NFIB: variants seen among roughly 807,000 people sequenced by gnomAD.
NFIB encodes nuclear factor 1 B-type.
In NFIB, 11 loss-of-function variants were observed where a neutral mutation model predicts 61.5. The ratio of observed to expected loss-of-function variants is 0.18; its 90% CI spans 0.11 to 0.30. The LOEUF (loss-of-function observed/expected upper bound fraction) is 0.30, where lower values mean the gene tolerates loss of function less well. Among genes scored for constraint, NFIB ranks in the 10% least tolerant of loss-of-function variants. The pLI, the probability that NFIB is intolerant of heterozygous loss-of-function variation, is 1.00. For missense variants in NFIB, 471 were observed against 608.9 expected, an observed-to-expected ratio of 0.77 and a Z score of 2.38; for synonymous variants, 260 against 216.5, an observed-to-expected ratio of 1.20 and a Z score of -1.76.
At chr9:14,170,148 G>C (rs2045405829) in intron 3 of NFIB, among the ~76,000 whole-genome samples, 1 of 152,114 alleles carries the variant, frequency 6.6e-6, no homozygotes, top group Admixed American at 6.5e-5. Flanking sequence ...CTTAACTTCT[G>C]CAAAGTTCAG....
At chr9:14,180,995 T>G (rs2046705041) in intron 2 of NFIB, among the ~76,000 whole-genome samples, 1 of 152,216 alleles carries the variant, frequency 6.6e-6, no homozygotes, top group African/African-American at 2.4e-5. Context: ...CCATTATACT[T>G]GAGCCAAGAA....
At chr9:14,435,209 A>C in the NFIB span, among the ~76,000 whole-genome samples, 12 of 152,236 alleles carry the variant, frequency 7.9e-5, no homozygotes. Context: ...GAGTCTGGTG[A>C]AAGTTCACCT....
chr9:14,093,506 G>C (rs1302515419), intron 10 of NFIB: 2 of 151,958 alleles, frequency 1.3e-5, no homozygotes, highest in Non-Finnish European at 1.5e-5. Flanking sequence ...CAATAAAAAT[G>C]AGCAATGGCC....
chr9:14,147,401 G>GT (rs1166156708), intron 5 of NFIB, among the ~76,000 whole-genome samples: 1 of 152,040 alleles, frequency 6.6e-6, no homozygotes, highest in African/African-American at 2.4e-5. Context: ...AAAATGAGTT[G>GT]TTAAATGTAA....
intron 3 of NFIB, among the ~76,000 whole-genome samples, chr9:14,164,504 TA>T (rs1469380553): frequency 6.6e-6 from 1 of 152,134 alleles, no homozygotes; most frequent in African/African-American, 2.4e-5. Context: ...AAAAATATTA[TA>T]ATCTTATGGG....
At chr9:14,270,488 T>C (rs1452857591) in intron 2 of NFIB, among the ~76,000 whole-genome samples, 4 of 145,686 alleles carry the variant, frequency 2.7e-5, no homozygotes, top group East Asian at 2.1e-4. Context: ...CCCCAGACCA[T>C]TGGCTTGAGA....
intron 7 of NFIB, among the ~76,000 whole-genome samples, chr9:14,121,600 C>G (rs1206866530): frequency 6.6e-6 from 1 of 152,090 alleles, no homozygotes; most frequent in Non-Finnish European, 1.5e-5. Flanking sequence ...CTTTCAAAAC[C>G]AAAAGAGCTC....
intron 9 of NFIB, 64 bp downstream of exon 9, chr9:14,116,144 C>G (rs777117371): frequency 1.4e-6 from 2 of 1,407,108 alleles, no homozygotes; most frequent in East Asian, 2.8e-5. Context: ...AATGGTGCCT[C>G]TGATGGACAT....
intron 2 of NFIB, among the ~76,000 whole-genome samples, chr9:14,185,176 A>T (rs1373330117): frequency 6.6e-6 from 1 of 152,196 alleles, no homozygotes; most frequent in Non-Finnish European, 1.5e-5. Flanking sequence ...TCAAGAGGGG[A>T]CAGATGATTC....
At chr9:14,476,155 T>C in the NFIB span, among the ~76,000 whole-genome samples, 4 of 151,768 alleles carry the variant, frequency 2.6e-5, no homozygotes, top group South Asian at 6.2e-4. Flanking sequence ...AACCAAATAT[T>C]AGAAGTTCAA....
At chr9:14,249,658 TAGAA>T (rs1041369290) in intron 2 of NFIB, among the ~76,000 whole-genome samples, 2 of 142,306 alleles carry the variant, frequency 1.4e-5, no homozygotes, top group African/African-American at 5.2e-5. Flanking sequence ...TGTAAAAAAA[TAGAA>T]AGGAAGGAAG....
upstream of NFIB, among the ~76,000 whole-genome samples, chr9:14,315,094 G>A (rs1157754386): frequency 3.3e-5 from 5 of 152,078 alleles, no homozygotes; most frequent in African/African-American, 9.7e-5. Flanking sequence ...AGGCCGAGCA[G>A]GCGGGGACCT....
At chr9:14,090,329 TA>T (rs1417076833) in intron 10 of NFIB, among the ~76,000 whole-genome samples, 1 of 152,148 alleles carries the variant, frequency 6.6e-6, no homozygotes, top group Non-Finnish European at 1.5e-5. Context: ...TGTTTTCACA[TA>T]TTTATCTTCC....
chr9:14,276,133 T>A (rs1010367169), intron 2 of NFIB, among the ~76,000 whole-genome samples: 1 of 152,108 alleles, frequency 6.6e-6, no homozygotes, highest in African/African-American at 2.4e-5. Context: ...CATACTCCAT[T>A]TTTTGGTATG....
At chr9:14,316,961 G>A (rs1007066176), upstream of NFIB, 1 of 152,072 alleles carries the variant, frequency 6.6e-6, no homozygotes, top group Non-Finnish European at 1.5e-5. Flanking sequence ...TTATTTCGGG[G>A]TCTCTTTAAA....
chr9:14,232,645 T>A (rs1487633878), intron 2 of NFIB, among the ~76,000 whole-genome samples: 2 of 152,208 alleles, frequency 1.3e-5, no homozygotes, highest in Non-Finnish European at 2.9e-5. Context: ...AGGATCAGCG[T>A]CAGTGTTAAA....
chr9:14,099,414 G>A (rs1205604907), intron 10 of NFIB, among the ~76,000 whole-genome samples: 1 of 152,186 alleles, frequency 6.6e-6, no homozygotes. Context: ...AAAAGTGCTA[G>A]TGTTACAGAC....
the NFIB span, among the ~76,000 whole-genome samples, chr9:14,414,250 T>A: frequency 4.6e-5 from 7 of 151,786 alleles, no homozygotes; most frequent in Admixed American, 3.3e-4. Flanking sequence ...CCATGGCCAA[T>A]ATGGTGAAAC....
At chr9:14,428,997 G>A in the NFIB span, among the ~76,000 whole-genome samples, 1 of 152,116 alleles carries the variant, frequency 6.6e-6, no homozygotes, top group Admixed American at 6.5e-5. Context: ...GTCTTGACCG[G>A]GACCTCCCTG....
Sources: gnomAD v4.1 joint callset for allele counts (sites outside exome capture counted in the v4.1 genomes callset) on GRCh38, gnomAD v4.1.1 for gene constraint, MANE v1.5 for transcripts, NCBI Gene and HGNC (gene_info 2026-07-23, HGNC 2026-07-21) for gene names.